Variants in POLR2F observed in about 807,000 individuals in gnomAD.
POLR2F encodes DNA-directed RNA polymerases I, II, and III subunit RPABC2.
A neutral mutation model predicts 22.7 loss-of-function variants in POLR2F; 12 were observed. The ratio of observed to expected loss-of-function variants is 0.53; its 90% CI spans 0.34 to 0.86. The LOEUF (loss-of-function observed/expected upper bound fraction) is 0.86, where lower values mean the gene tolerates loss of function less well. POLR2F is among the 40% of genes least tolerant of loss of function. The pLI, the probability that POLR2F is intolerant of heterozygous loss-of-function variation, is 0.02. For missense variants in POLR2F, 126 were observed against 171.5 expected (o/e 0.73, Z 1.48); for synonymous variants, 57 against 66.0 (o/e 0.86, Z 0.66).
chr22:37,987,334 G>A (rs1388757158), intron 1 of POLR2F: 1 of 455,648 alleles, frequency 2.2e-6, no homozygotes, highest in African/African-American at 2.0e-5. Flanking sequence ...AGGAGGAGAG[G>A]AAAGGAATAC....
chr22:38,004,184 G>A (rs376152358), intron 1 of POLR2F, among the ~76,000 whole-genome samples: 15 of 152,028 alleles, frequency 9.9e-5, no homozygotes, highest in African/African-American at 3.1e-4. Context: ...GATGTGGGGG[G>A]GGTCTCACTA....
At chr22:37,970,772 TAA>T (rs575620532), downstream of POLR2F, 501 of 167,620 alleles carry the variant, frequency 3.0e-3, 2 homozygotes, top group African/African-American at 0.011. Flanking sequence ...AGCTAAGTTC[TAA>T]AAAGTTTAAT....
At chr22:37,971,460 T>C (rs947639501), downstream of POLR2F, among the ~76,000 whole-genome samples, 8 of 152,190 alleles carry the variant, frequency 5.3e-5, no homozygotes, top group Admixed American at 4.6e-4. Context: ...TGGAGCAAGA[T>C]GGCAAAGAGT....
At position 37,959,375 on chromosome 22, in the gene POLR2F, C is replaced by T. The variant is rs759792379; in HGVS notation, c.120C>T (p.Pro40=). The part of the protein sequence containing the change: ...EEGQENVEIL[P]SGERPQANQK... ...GCCAGGAGAATGTCGAGATCCTCCC[C>T]TCTGGGGAGCGACCGCAGGCCAACC... is the stretch of plus-strand genomic sequence containing the variant. The change falls in exon 3 of 5, where the codon CCC becomes CCT. Residue 40 remains proline, a synonymous_variant. Coordinates refer to ENST00000442738, the MANE Select transcript of POLR2F (RefSeq NM_021974.5). 5 of 1,614,156 alleles carry T rather than the reference C, an allele frequency of 3.1e-6. No individual in the cohort carries two copies. The South Asian group carries it at 3.3e-5, about 11-fold the overall frequency.
At chr22:38,024,310 G>T (rs1008974874) in intron 1 of POLR2F, among the ~76,000 whole-genome samples, 3 of 152,166 alleles carry the variant, frequency 2.0e-5, no homozygotes, top group African/African-American at 7.2e-5. Flanking sequence ...AAATTATATG[G>T]ATATAACACA....
downstream of POLR2F, chr22:37,971,232 A>G (rs1932041365): frequency 2.1e-6 from 1 of 471,164 alleles, no homozygotes. Flanking sequence ...CCTTGGAGTC[A>G]GAGCTGGGTT....
chr22:37,969,528 G>A (rs902269636), downstream of POLR2F, among the ~76,000 whole-genome samples: 3 of 152,168 alleles, frequency 2.0e-5, no homozygotes, highest in Non-Finnish European at 4.4e-5. Flanking sequence ...TCACTCTCAT[G>A]AGATGTGGGG....
chr22:38,039,467 G>A (rs777281604), intron 5 of POLR2F, among the ~76,000 whole-genome samples: 2 of 152,286 alleles, frequency 1.3e-5, no homozygotes, highest in Admixed American at 6.5e-5. Context: ...AGGACTGGGC[G>A]CTCATCCAGT....
At chr22:37,955,368 A>G (rs1931343413) in intron 1 of POLR2F, among the ~76,000 whole-genome samples, 1 of 151,906 alleles carries the variant, frequency 6.6e-6, no homozygotes, top group Non-Finnish European at 1.5e-5. Context: ...GTGAAACCCC[A>G]TCTTTACTAA....
chr22:38,015,045 A>C lies in POLR2F; in HGVS notation c.121-10824A>C, dbSNP rs144039283. Among the ~76,000 whole-genome samples the C allele has an allele frequency of 9.2e-3, 1,405 of 151,988 alleles. 22 individuals are homozygous for C. Among genetic ancestry groups the C allele is most frequent in the African/African-American group, 0.032 (1,343 of 41,448 alleles). On this transcript the variant is annotated intron_variant, in intron 1 of 2. Transcript: ENST00000333418. The stretch of plus-strand genomic sequence containing the variant: ...CTGGTCTCAAACTCCTGACCTTGAG[A>C]TCCACCCGCCTCAGCCTCCCAAAGT...
chr22:38,012,083 T>G (rs994552483), intron 1 of POLR2F, among the ~76,000 whole-genome samples: 6 of 136,480 alleles, frequency 4.4e-5, no homozygotes, highest in African/African-American at 1.7e-4. Flanking sequence ...ATTTTTATAC[T>G]TTTTTTTTTT....
chr22:38,014,260 G>C (rs1299485089), intron 1 of POLR2F, among the ~76,000 whole-genome samples: 1 of 151,646 alleles, frequency 6.6e-6, no homozygotes, highest in Non-Finnish European at 1.5e-5. Context: ...TATGTTGTTT[G>C]TGAATAAAGA....
intron 1 of POLR2F, among the ~76,000 whole-genome samples, chr22:37,956,131 C>T (rs1015948954): frequency 1.3e-5 from 2 of 151,792 alleles, no homozygotes; most frequent in Non-Finnish European, 2.9e-5. Flanking sequence ...CTCTTGTTGC[C>T]CAGGCTGGAG....
Position 38,016,743 on chromosome 22 carries a change from G to A in POLR2F, c.121-9126G>A, listed in dbSNP as rs1319329122. 6.6e-6 allele frequency among the ~76,000 whole-genome samples: 1 copy of A among 151,874 alleles called. No individual in the cohort carries two copies. The highest frequency in any genetic ancestry group is 6.6e-5 in the Admixed American group (1 of 15,254). On this transcript the variant is annotated intron_variant, in intron 1 of 2. Transcript: ENST00000333418. The surrounding 1 kb of genome is among the most constrained non-coding windows in gnomAD (Gnocchi z 4.4). ...CTGGCACGCACCGCGGGGGGAGGGG[G>A]CGGGAGGGGGCCGCCGTCAATGCCC...
chr22:38,013,861 G>T (rs1475744800), intron 1 of POLR2F, among the ~76,000 whole-genome samples: 1 of 152,124 alleles, frequency 6.6e-6, no homozygotes, highest in Admixed American at 6.5e-5. Context: ...GGTGGCTTAC[G>T]CCTGTAATCC....
At chr22:38,040,882 A>G in intron 5 of POLR2F, 1 of 822,862 alleles carries the variant, frequency 1.2e-6, no homozygotes, top group Non-Finnish European at 1.9e-6. Flanking sequence ...CGTGTGGAGG[A>G]TGTGCCAAGG....
rs1569183699 is a variant in POLR2F at position 38,025,949 on chromosome 22, ACT to A, written c.204_205del (p.Ser69Ter). The A allele has an allele frequency of 1.5e-6, 1 of 652,136 alleles. No homozygotes were observed. Among genetic ancestry groups the A allele is most frequent in the East Asian group, 3.6e-5 (1 of 27,894 alleles). 40.4% of individuals were successfully genotyped at this position (652,136 alleles called of 1,614,324 possible). ...CTCAACAGATGCTCTGAAATCAATG[ACT>A]CTGAATCTAGAAGTCAACCGGAGAA... On this transcript the variant is annotated frameshift_variant, in exon 2 of 3. Transcript: ENST00000333418. LOFTEE classifies it high-confidence loss of function.
intron 1 of POLR2F, among the ~76,000 whole-genome samples, chr22:38,002,571 C>T (rs1441429733): frequency 6.6e-6 from 1 of 151,104 alleles, no homozygotes; most frequent in Non-Finnish European, 1.5e-5. Context: ...CTGGGTTTCA[C>T]CATGTTGGCT....
Position 37,967,735 on chromosome 22 carries a change from C to T in POLR2F, c.*20C>T. ...GACTGAGCTGGAGTCATCTTCCTGC[C>T]CTTGCCCCATGCCCAATTTTCATTC... On this transcript the variant is annotated 3_prime_UTR_variant, in exon 5 of 5. Coordinates refer to ENST00000442738, the MANE Select transcript of POLR2F (RefSeq NM_021974.5). 6.3e-7 allele frequency: 1 copy of T among 1,599,692 alleles called. No individual in the cohort carries two copies. Among genetic ancestry groups the T allele is most frequent in the Non-Finnish European group, 8.5e-7 (1 of 1,175,122 alleles).
Sources: gnomAD v4.1 joint callset for allele counts (sites outside exome capture counted in the v4.1 genomes callset) on GRCh38, gnomAD v4.1.1 for gene constraint, Gnocchi (gnomAD v3.1) non-coding constraint, MANE v1.5 for transcripts, NCBI Gene and HGNC (gene_info 2026-07-23, HGNC 2026-07-21) for gene names.